MED27: variants seen among roughly 807,000 people sequenced by gnomAD.
The protein encoded by MED27 is mediator complex subunit 27, also known as mediator of RNA polymerase II transcription subunit 27.
MED27 carries 30 observed loss-of-function variants against 38.2 expected under a neutral mutation model. The ratio of observed to expected loss-of-function variants is 0.79; its 90% CI spans 0.59 to 1.07. The LOEUF (loss-of-function observed/expected upper bound fraction) is 1.07. Among genes scored for constraint, MED27 ranks in the 50% least tolerant of loss-of-function variants. The pLI is 0.00. For missense variants in MED27, 289 were observed against 397.5 expected (o/e 0.73, Z 2.32); for synonymous variants, 122 against 153.5 (o/e 0.79, Z 1.52).
rs2131051276 is a variant in MED27, at chr9:131,997,468, A to G, written c.479+16869T>C. Reference sequence around the variant, plus strand: ...GTACAAAGGCCCAGACTTTTGGCCAACACAGGACAAGGCAGGTAACCCTGC... The same window carrying G: ...GTACAAAGGCCCAGACTTTTGGCCAGCACAGGACAAGGCAGGTAACCCTGC... On this transcript the variant is annotated intron_variant, in intron 3 of 7. Coordinates refer to ENST00000292035, the MANE Select transcript of MED27 (RefSeq NM_004269.4). The surrounding 1 kb of genome is among the most constrained non-coding windows in gnomAD (Gnocchi z 4.0). 6.6e-6 allele frequency among the ~76,000 whole-genome samples: 1 copy of G among 152,336 alleles called. No individual in the cohort carries two copies. The highest frequency in any genetic ancestry group is 1.9e-4 in the East Asian group (1 of 5,186).
At chr9:131,922,592 C>T (rs546703116) in intron 4 of MED27, among the ~76,000 whole-genome samples, 47 of 151,894 alleles carry the variant, frequency 3.1e-4, no homozygotes, top group African/African-American at 3.6e-4. Flanking sequence ...AGGCATGCAC[C>T]GCCACACCCA....
In MED27 at chr9:131,889,762, C is replaced by T. The variant is rs1221872643; in HGVS notation, c.681+4123G>A. Among the ~76,000 whole-genome samples the T allele has an allele frequency of 1.3e-5, 2 of 152,170 alleles. No individual in the cohort carries two copies. The highest frequency in any genetic ancestry group is 4.8e-5 in the African/African-American group (2 of 41,434). ...GCAGCAAGAAGGATAATGAAACTTT[C>T]GAATGTGCTGGTTGCTTTGGGCTTG... On this transcript the variant is annotated intron_variant, in intron 5 of 7. Coordinates refer to ENST00000292035, the MANE Select transcript of MED27 (RefSeq NM_004269.4). The surrounding 1 kb of genome is among the most constrained non-coding windows in gnomAD (Gnocchi z 4.2).
In MED27 at chr9:131,905,284, T is replaced by C. The variant is rs1830032007; in HGVS notation, c.574-11292A>G. The stretch of plus-strand genomic sequence containing the variant: ...GAAGCTACTGTTTTCTTGAACATAC[T>C]GAAAATGTCAAGGTGCTCCTAACAG... On this transcript the variant is annotated intron_variant, in intron 4 of 7. Coordinates refer to ENST00000292035, the MANE Select transcript of MED27 (RefSeq NM_004269.4). 3.3e-5 allele frequency among the ~76,000 whole-genome samples: 5 copies of C among 152,354 alleles called. No individual in the cohort carries two copies. The South Asian group carries it at 1.0e-3, about 32-fold the overall frequency.
At chr9:131,974,547 C>A (rs1831562399) in intron 3 of MED27, among the ~76,000 whole-genome samples, 1 of 152,160 alleles carries the variant, frequency 6.6e-6, no homozygotes, top group East Asian at 1.9e-4. Context: ...AAGTTTAATT[C>A]TCTCATTTAA....
intron 3 of MED27, among the ~76,000 whole-genome samples, chr9:131,940,828 T>A (rs1236542868): frequency 6.6e-6 from 1 of 152,344 alleles, no homozygotes; most frequent in East Asian, 1.9e-4. Context: ...AGCTTCATGT[T>A]TTCCTTGGAG....
Position 131,862,488 on chromosome 9 carries a change from G to A in MED27, c.801+575C>T, listed in dbSNP as rs1333139356. ...TGCTGATAAACTGGCCCTGGGGTTC[G>A]GGGGAAGTCCTGACTTGCAGTGTTT... On this transcript the variant is annotated intron_variant, in intron 7 of 7. Transcript: ENST00000292035. This position sits in a 1 kb window ranked among gnomAD's most constrained non-coding sequence, Gnocchi z 4.6. 1.3e-5 allele frequency among the ~76,000 whole-genome samples: 2 copies of A among 152,182 alleles called. No homozygotes were observed. Among genetic ancestry groups the A allele is most frequent in the Non-Finnish European group, 2.9e-5 (2 of 68,026 alleles).
At chr9:131,948,533 CACCA>C (rs1830928942) in intron 3 of MED27, among the ~76,000 whole-genome samples, 1 of 150,732 alleles carries the variant, frequency 6.6e-6, no homozygotes. Context: ...CAAAACATAA[CACCA>C]ACCAACCAAA....
At chr9:132,039,180 C>T (rs951161326) in intron 2 of MED27, among the ~76,000 whole-genome samples, 6 of 152,118 alleles carry the variant, frequency 3.9e-5, no homozygotes, top group South Asian at 2.1e-4. Flanking sequence ...AGCAAAGAAA[C>T]CACAAAGAAC....
At chr9:131,897,440 A>G (rs1385802021) in intron 4 of MED27, among the ~76,000 whole-genome samples, 1 of 152,256 alleles carries the variant, frequency 6.6e-6, no homozygotes, top group Non-Finnish European at 1.5e-5. Context: ...AATCAAATCA[A>G]AACTTATGAG....
intron 6 of MED27, among the ~76,000 whole-genome samples, chr9:131,879,119 A>G (rs964746812): frequency 6.6e-6 from 1 of 152,232 alleles, no homozygotes; most frequent in African/African-American, 2.4e-5. Context: ...GGGATTTGCT[A>G]CAGAAGCTCA....
chr9:131,901,398 A>AG (rs1266575283), intron 4 of MED27, among the ~76,000 whole-genome samples: 8 of 152,164 alleles, frequency 5.3e-5, no homozygotes, highest in Non-Finnish European at 1.2e-4. Context: ...TAAAGAAGTA[A>AG]ACTGAGGCCT....
At position 131,977,530 on chromosome 9, in the gene MED27, G is replaced by A. The variant is rs1372922794; in HGVS notation, c.479+36807C>T. On this transcript the variant is annotated intron_variant, in intron 3 of 7. Transcript: ENST00000292035. Reference sequence around the variant, plus strand: ...CTTGTTCCCAGTCAACTCTCTGGGTGGCGTGGACCACTCTGCTCTGCGGCT... The same window carrying A: ...CTTGTTCCCAGTCAACTCTCTGGGTAGCGTGGACCACTCTGCTCTGCGGCT... Among the ~76,000 whole-genome samples, 5 of 152,138 alleles carry A rather than the reference G, an allele frequency of 3.3e-5. No homozygotes were observed. In the East Asian group the frequency reaches 9.6e-4, roughly 29 times the overall value.
At chr9:131,936,809 G>A (rs907751373) in intron 4 of MED27, among the ~76,000 whole-genome samples, 1 of 152,204 alleles carries the variant, frequency 6.6e-6, no homozygotes, top group African/African-American at 2.4e-5. Context: ...TCTGTTGACT[G>A]CATTCAAGGA....
At chr9:132,000,928 C>T (rs1444856533) in intron 3 of MED27, among the ~76,000 whole-genome samples, 4 of 151,570 alleles carry the variant, frequency 2.6e-5, no homozygotes, top group African/African-American at 9.7e-5. Flanking sequence ...TATGCTAGGC[C>T]ATCTTTACAA....
chr9:131,975,084 T>C (rs1428074983), intron 3 of MED27, among the ~76,000 whole-genome samples: 1 of 152,244 alleles, frequency 6.6e-6, no homozygotes, highest in Non-Finnish European at 1.5e-5. Context: ...AGAAACATAA[T>C]TACTTTGTAG....
intron 6 of MED27, among the ~76,000 whole-genome samples, chr9:131,868,308 T>C (rs377443282): frequency 1.3e-5 from 2 of 152,250 alleles, no homozygotes; most frequent in South Asian, 4.1e-4. Context: ...AGACAGGGTA[T>C]TGCTCTGTCG....
intron 1 of MED27, among the ~76,000 whole-genome samples, chr9:132,077,893 G>A (rs973212939): frequency 3.3e-5 from 5 of 152,160 alleles, no homozygotes; most frequent in Admixed American, 2.0e-4. Context: ...GCAGTGGGGA[G>A]GAGACTTTCT....
chr9:131,939,985 C>A (rs1435554313), intron 3 of MED27, among the ~76,000 whole-genome samples: 2 of 150,596 alleles, frequency 1.3e-5, no homozygotes, highest in Non-Finnish European at 2.9e-5. Flanking sequence ...CGGCTCACTG[C>A]AACCTCTGCC....
Position 131,883,976 on chromosome 9 carries a change from T to C in MED27, c.723+82A>G, listed in dbSNP as rs1349282120. 8.0e-7 allele frequency: 1 copy of C among 1,244,302 alleles called. No individual in the cohort carries two copies. The highest frequency in any genetic ancestry group is 1.9e-5 in the Admixed American group (1 of 51,462). 77.1% of individuals were successfully genotyped at this position (1,244,302 alleles called of 1,614,324 possible). ...CTTTTTTCACTTTTTCAAAAGCCTC[T>C]GATTTGAGACCAATGTTTAAACCTC... is the stretch of plus-strand genomic sequence containing the variant. On this transcript the variant is annotated intron_variant, in intron 6 of 7. Transcript: ENST00000292035. This position sits in a 1 kb window ranked among gnomAD's most constrained non-coding sequence, Gnocchi z 4.2.
Sources: allele counts gnomAD v4.1 joint callset (sites outside exome capture counted in the v4.1 genomes callset), GRCh38; gene constraint gnomAD v4.1.1; non-coding constraint Gnocchi (gnomAD v3.1); transcripts MANE v1.5; gene names NCBI Gene and HGNC (gene_info 2026-07-23, HGNC 2026-07-21).